MPPED1: variants seen among roughly 807,000 people sequenced by gnomAD.
The protein encoded by MPPED1 is metallophosphoesterase domain containing 1.
Under a neutral mutation model 36.2 loss-of-function variants are expected in MPPED1, and 16 were observed. The observed-to-expected ratio is 0.44, with a 90% CI of 0.30 to 0.67. The LOEUF (loss-of-function observed/expected upper bound fraction) is 0.67, where lower values mean the gene tolerates loss of function less well. MPPED1 is among the 30% of genes least tolerant of loss of function. The pLI, the probability that MPPED1 is intolerant of heterozygous loss-of-function variation, is 0.10. For synonymous variants in MPPED1, 199 were observed against 191.3 expected (o/e 1.04, Z -0.33); for missense variants, 307 against 453.4 (o/e 0.68, Z 2.93).
At chr22:43,462,415 C>T (rs961211772) in intron 3 of MPPED1, among the ~76,000 whole-genome samples, 3 of 152,130 alleles carry the variant, frequency 2.0e-5, no homozygotes, top group African/African-American at 4.8e-5. Flanking sequence ...GAAGGAACAA[C>T]CTGGGATTGC....
chr22:43,463,994 C>T (rs983278975), intron 3 of MPPED1, among the ~76,000 whole-genome samples: 11 of 151,794 alleles, frequency 7.2e-5, no homozygotes, highest in South Asian at 2.1e-4. Context: ...CTGCAACCTC[C>T]GCCTCCCAGG....
rs780466607 is a variant in MPPED1 at position 43,425,115 on chromosome 22, A to C, written c.130A>C (p.Ile44Leu). Residue 44 changes from isoleucine (I) to leucine (L), a missense_variant, in exon 2 of 7, where the codon ATC (isoleucine) becomes CTC (leucine). By Grantham distance (5) the Ile-to-Leu change is conservative. Transcript: ENST00000443721. Reference protein sequence around the residue: ...AARRHQHSRLIIEVDEYSSNP... With the variant: ...AARRHQHSRLLIEVDEYSSNP... ...TCGGCGGCACCAGCACAGCCGGCTC[A>C]TCATCGAGGTGGACGAGTACAGCTC... 3.7e-6 allele frequency: 6 copies of C among 1,613,842 alleles called. No homozygotes were observed. The highest frequency in any genetic ancestry group is 1.3e-5 in the African/African-American group (1 of 75,058).
chr22:43,498,438 G>A (rs1932502392), intron 5 of MPPED1, 88 bp downstream of exon 5: 2 of 1,059,910 alleles, frequency 1.9e-6, no homozygotes, highest in African/African-American at 3.2e-5. Context: ...GCCTGTATAG[G>A]GGAGCCCTGG....
intron 5 of MPPED1, among the ~76,000 whole-genome samples, chr22:43,499,986 A>G (rs1403854204): frequency 8.8e-3 from 82 of 9,348 alleles, no homozygotes; most frequent in Non-Finnish European, 0.011. Flanking sequence ...GGTGGTGGTG[A>G]TGGTGATGGA....
chr22:43,474,654 C>G lies in MPPED1; in HGVS notation c.407-82C>G. Reference sequence around the variant, plus strand: ...AGGAGTTCATGCAGCTTCCTCCTGCCCGCCCCTCTCTCAGCCGTGCTGTGG... The same window carrying G: ...AGGAGTTCATGCAGCTTCCTCCTGCGCGCCCCTCTCTCAGCCGTGCTGTGG... On this transcript the variant is annotated intron_variant, in intron 3 of 6. Transcript: ENST00000443721. The surrounding 1 kb of genome is among the most constrained non-coding windows in gnomAD (Gnocchi z 5.2). 1 of 1,566,924 alleles carries G rather than the reference C, an allele frequency of 6.4e-7. No homozygotes were observed. The highest frequency in any genetic ancestry group is 8.8e-7 in the Non-Finnish European group (1 of 1,141,856).
chr22:43,471,647 C>T (rs1214828300), intron 3 of MPPED1, among the ~76,000 whole-genome samples: 1 of 152,242 alleles, frequency 6.6e-6, no homozygotes, highest in Non-Finnish European at 1.5e-5. Context: ...GCTGCTCAGG[C>T]CCACGCAGCC....
intron 1 of MPPED1, among the ~76,000 whole-genome samples, chr22:43,412,726 C>T (rs1928949171): frequency 6.6e-6 from 1 of 151,212 alleles, no homozygotes; most frequent in Non-Finnish European, 1.5e-5. Context: ...ATATTTATTC[C>T]TGTCTGCTAT....
At chr22:43,496,631 GAGA>G (rs1309150602) in intron 4 of MPPED1, among the ~76,000 whole-genome samples, 1 of 22,644 alleles carries the variant, frequency 4.4e-5, no homozygotes. Context: ...GATGGTGGTG[GAGA>G]TGGTGGTGGT....
intron 2 of MPPED1, among the ~76,000 whole-genome samples, chr22:43,428,595 C>G (rs572145316): frequency 6.6e-6 from 1 of 152,136 alleles, no homozygotes; most frequent in Non-Finnish European, 1.5e-5. Context: ...GGCTTTGTCT[C>G]CGGGGTGAGG....
intron 3 of MPPED1, among the ~76,000 whole-genome samples, chr22:43,464,788 A>G (rs1308403383): frequency 6.6e-6 from 1 of 152,112 alleles, no homozygotes. Context: ...CTTTGGTTTT[A>G]GTTTTCTTTG....
rs561988508 is a variant in MPPED1 at position 43,467,508 on chromosome 22, G to A, written c.407-7228G>A. On this transcript the variant is annotated intron_variant, in intron 3 of 6. Transcript: ENST00000443721. ...TTGGCCGTGTGAAGCCATTCCTGGC[G>A]TTCATGCACCGAGTTGCACCAAGAC... is the stretch of plus-strand genomic sequence containing the variant. Among the ~76,000 whole-genome samples, 31 of 152,310 alleles carry A rather than the reference G, an allele frequency of 2.0e-4. 1 individual carries two copies. In the South Asian group the frequency reaches 5.6e-3, roughly 27 times the overall value.
chr22:43,420,330 TC>T (rs1306504634), intron 1 of MPPED1, among the ~76,000 whole-genome samples: 3 of 151,860 alleles, frequency 2.0e-5, no homozygotes, highest in African/African-American at 7.3e-5. Flanking sequence ...ACTTAGCACT[TC>T]CCCTCCCTCT....
Position 43,461,544 on chromosome 22 carries a change from C to T in MPPED1, c.407-13192C>T, listed in dbSNP as rs111943611. Among the ~76,000 whole-genome samples, 196 of 152,314 alleles carry T rather than the reference C, an allele frequency of 1.3e-3. 1 individual carries two copies. The highest frequency in any genetic ancestry group is 2.4e-3 in the Non-Finnish European group (165 of 68,026). On this transcript the variant is annotated intron_variant, in intron 3 of 6. Transcript: ENST00000443721. Reference sequence around the variant, plus strand: ...CGTGTGCTCAAAGATCCTTAATCCTCATCCTCAAAGTGCTTCTCTGTATTG... The same window carrying T: ...CGTGTGCTCAAAGATCCTTAATCCTTATCCTCAAAGTGCTTCTCTGTATTG...
At chr22:43,447,884 T>TATATATATATATA (rs1491157280) in intron 3 of MPPED1, among the ~76,000 whole-genome samples, 703 of 45,912 alleles carry the variant, frequency 0.015, 1 homozygote, top group Middle Eastern at 0.023. Flanking sequence ...TATATATATA[T>TATATATATATATA]TTTTTTTTTT....
At chr22:43,473,616 T>C (rs1251500529) in intron 3 of MPPED1, among the ~76,000 whole-genome samples, 1 of 152,148 alleles carries the variant, frequency 6.6e-6, no homozygotes, top group Non-Finnish European at 1.5e-5. Context: ...ATCTTGACTC[T>C]CCAGGCCCAT....
At chr22:43,496,381 G>A (rs1932360607) in intron 4 of MPPED1, among the ~76,000 whole-genome samples, 1 of 94,784 alleles carries the variant, frequency 1.1e-5, no homozygotes, top group Non-Finnish European at 1.9e-5. Context: ...TGGAGGTAGT[G>A]GTGGTGGAGA....
In MPPED1 at chr22:43,505,726, C is replaced by G; in HGVS notation, c.*110C>G. On this transcript the variant is annotated 3_prime_UTR_variant, in exon 7 of 7. Transcript: ENST00000443721. ...TGGACGACCCATCTGGCTGCGGGGA[C>G]TGGCCTAGCAGGCAGGTCAGGGCCT... 1 of 971,454 alleles carries G rather than the reference C, an allele frequency of 1.0e-6. No individual in the cohort carries two copies. The highest frequency in any genetic ancestry group is 1.6e-5 in the South Asian group (1 of 63,650). 60.2% of individuals were successfully genotyped at this position (971,454 alleles called of 1,614,324 possible).
chr22:43,505,452 T>A, intron 6 of MPPED1, 46 bp from the exon 7 acceptor site: 2 of 1,539,778 alleles, frequency 1.3e-6, no homozygotes, highest in Non-Finnish European at 1.8e-6. Flanking sequence ...CTGGCCACCC[T>A]CACTACTCTG....
At chr22:43,472,849 G>T (rs759072464) in intron 3 of MPPED1, among the ~76,000 whole-genome samples, 44 of 152,172 alleles carry the variant, frequency 2.9e-4, no homozygotes, top group Non-Finnish European at 5.4e-4. Flanking sequence ...CTTATAACGG[G>T]GCACTGGACC....
Sources: allele counts gnomAD v4.1 joint callset (sites outside exome capture counted in the v4.1 genomes callset), GRCh38; gene constraint gnomAD v4.1.1; non-coding constraint Gnocchi (gnomAD v3.1); transcripts MANE v1.5; gene names NCBI Gene and HGNC (gene_info 2026-07-23, HGNC 2026-07-21).